The following PTPRJ variants were observed in gnomAD, a reference collection of about 807,000 sequenced individuals.
PTPRJ encodes the protein receptor-type tyrosine-protein phosphatase eta.
In PTPRJ, 129 loss-of-function variants were observed where a neutral mutation model predicts 141.3. The ratio of observed to expected loss-of-function variants is 0.91; its 90% confidence interval spans 0.79 to 1.06. The LOEUF (loss-of-function observed/expected upper bound fraction) is 1.06. Ranked by LOEUF, PTPRJ falls within the 50% of genes least tolerant of loss-of-function variation. The pLI is 0.00. For missense variants in PTPRJ, 1,601 were observed against 1,679.7 expected (o/e 0.95, Z 0.82); for synonymous variants, 610 against 640.5 (o/e 0.95, Z 0.72).
At chr11:48,133,125 G>A (rs976015672) in intron 8 of PTPRJ, among the ~76,000 whole-genome samples, 1 of 152,180 alleles carries the variant, frequency 6.6e-6, no homozygotes, top group Non-Finnish European at 1.5e-5. Context: ...ACTTCATGGA[G>A]CAGGTATTAT....
chr11:48,136,993 T>A lies in PTPRJ; in HGVS notation c.1874-10T>A, dbSNP rs545524975. On this transcript the variant is annotated splice_polypyrimidine_tract_variant and intron_variant, in intron 9 of 24. Coordinates refer to ENST00000418331, the MANE Select transcript of PTPRJ (RefSeq NM_002843.4). ...GCTTTTACATGAATTGCCTTTTTTTTAAAATCAAGGGCCCAGCAATGTGTC... is the reference window on the plus strand; with the variant it reads ...GCTTTTACATGAATTGCCTTTTTTTAAAAATCAAGGGCCCAGCAATGTGTC... The A allele has an allele frequency of 1.9e-5, 30 of 1,578,368 alleles. No homozygotes were observed. Among genetic ancestry groups the A allele is most frequent in the Admixed American group, 1.4e-4 (8 of 58,162 alleles).
intron 11 of PTPRJ, among the ~76,000 whole-genome samples, chr11:48,142,664 G>T (rs962291866): frequency 2.6e-5 from 4 of 152,188 alleles, no homozygotes; most frequent in African/African-American, 9.7e-5. Context: ...AGGCTGCTGG[G>T]TGCCTGCCCT....
chr11:47,981,315 C>A (rs1853900339), intron 1 of PTPRJ, among the ~76,000 whole-genome samples: 1 of 152,164 alleles, frequency 6.6e-6, no homozygotes, highest in African/African-American at 2.4e-5. Context: ...CGGCGCTGGG[C>A]ACATCTGGCG....
chr11:48,130,818 C>A, intron 8 of PTPRJ, 102 bp downstream of exon 8: 1 of 1,271,834 alleles, frequency 7.9e-7, no homozygotes, highest in Non-Finnish European at 1.0e-6. Flanking sequence ...TTTTAATTAT[C>A]TAAGAAAAAA....
At chr11:48,017,777 G>A (rs981934225) in intron 1 of PTPRJ, among the ~76,000 whole-genome samples, 1 of 152,184 alleles carries the variant, frequency 6.6e-6, no homozygotes, top group Non-Finnish European at 1.5e-5. Flanking sequence ...GAGCCTGGTG[G>A]GTGATGGACC....
At chr11:47,985,813 G>A (rs1313778208) in intron 1 of PTPRJ, among the ~76,000 whole-genome samples, 3 of 152,102 alleles carry the variant, frequency 2.0e-5, no homozygotes, top group Non-Finnish European at 4.4e-5. Context: ...CGATTCTCCT[G>A]CCTCAGCCTG....
At chr11:48,070,374 C>T (rs777695866) in intron 1 of PTPRJ, among the ~76,000 whole-genome samples, 1 of 151,842 alleles carries the variant, frequency 6.6e-6, no homozygotes, top group African/African-American at 2.4e-5. Flanking sequence ...TGGTGGTGGG[C>T]GCCTGTAATC....
At chr11:48,101,147 T>C (rs1856139321) in intron 1 of PTPRJ, among the ~76,000 whole-genome samples, 1 of 152,210 alleles carries the variant, frequency 6.6e-6, no homozygotes. Context: ...AAGCCCCTAC[T>C]GTGTGCTGCT....
chr11:48,038,941 G>C (rs1004527525), intron 1 of PTPRJ, among the ~76,000 whole-genome samples: 5 of 151,160 alleles, frequency 3.3e-5, no homozygotes, highest in African/African-American at 9.7e-5. Context: ...TTGAGGTCAG[G>C]AGTTCGAGAC....
chr11:48,001,702 G>A (rs1565251587), intron 1 of PTPRJ, among the ~76,000 whole-genome samples: 1 of 152,122 alleles, frequency 6.6e-6, no homozygotes, highest in Non-Finnish European at 1.5e-5. Context: ...TTTTACAGGA[G>A]AGGAAAATGA....
intron 1 of PTPRJ, among the ~76,000 whole-genome samples, chr11:47,996,533 C>T (rs1266686991): frequency 1.3e-5 from 2 of 152,132 alleles, no homozygotes; most frequent in Non-Finnish European, 2.9e-5. Context: ...GTAGCAACAA[C>T]CAGGCCATTT....
intron 1 of PTPRJ, among the ~76,000 whole-genome samples, chr11:48,102,116 G>T (rs61915877): frequency 0.031 from 4,649 of 152,240 alleles, 107 homozygotes; most frequent in Non-Finnish European, 0.046. Flanking sequence ...GGACATTTGG[G>T]GACATAAATA....
chr11:48,046,310 C>T (rs762337452), intron 1 of PTPRJ: 5 of 152,150 alleles, frequency 3.3e-5, no homozygotes, highest in African/African-American at 9.7e-5. Context: ...CAAATCGCTT[C>T]GCAGAAGTGC....
Position 48,049,515 on chromosome 11 carries a change from TAAAACAAAACAAAAC to T in PTPRJ, c.97-60505_97-60491del, listed in dbSNP as rs71457242. Reference sequence around the variant, plus strand: ...CAATGCGGTGAAACCCCGTCTCTACTAAAACAAAACAAAACAAAACAAAACAAAACAAAACAAAAC... The same window carrying T: ...CAATGCGGTGAAACCCCGTCTCTACTAAAACAAAACAAAACAAAACAAAAC... On this transcript the variant is annotated intron_variant, in intron 1 of 24. Transcript: ENST00000418331. 2.4e-3 allele frequency among the ~76,000 whole-genome samples: 337 copies of T among 140,934 alleles called. 1 individual carries two copies. Among genetic ancestry groups the T allele is most frequent in the Admixed American group, 5.5e-3 (78 of 14,058 alleles). The allele number at this position is 140,934 out of a possible 152,430, so 92.5% of individuals were successfully genotyped here. A position where few individuals can be genotyped will look rare whatever the true frequency, so the allele number is the denominator to read the frequency against.
chr11:48,123,460 A>G (rs2134342032), intron 4 of PTPRJ, among the ~76,000 whole-genome samples, 153 bp from the exon 5 acceptor site: 1 of 152,234 alleles, frequency 6.6e-6, no homozygotes, highest in South Asian at 2.1e-4. Context: ...GAAAGGAAGT[A>G]TTTTTAGTGA....
chr11:47,997,591 T>C (rs1465380474), intron 1 of PTPRJ, among the ~76,000 whole-genome samples: 1 of 152,104 alleles, frequency 6.6e-6, no homozygotes, highest in Non-Finnish European at 1.5e-5. Context: ...CTCTGTAAAA[T>C]GGGAGTAACT....
At chr11:47,994,923 G>C (rs545397161) in intron 1 of PTPRJ, among the ~76,000 whole-genome samples, 1 of 152,212 alleles carries the variant, frequency 6.6e-6, no homozygotes, top group African/African-American at 2.4e-5. Flanking sequence ...CAGACCCTCT[G>C]GGGGTGTGAG....
At chr11:47,981,071 C>T (rs1284072453) in intron 1 of PTPRJ, 63 bp downstream of exon 1, 5 of 1,197,460 alleles carry the variant, frequency 4.2e-6, no homozygotes, top group South Asian at 4.2e-5. Context: ...ATTGACTGCA[C>T]CTGCCCGAGC....
intron 1 of PTPRJ, among the ~76,000 whole-genome samples, chr11:48,046,952 G>A (rs1854422611): frequency 9.4e-6 from 1 of 106,704 alleles, no homozygotes; most frequent in South Asian, 3.0e-4. Context: ...GTCTTGTTCT[G>A]TCACCCAGGC....
Sources: gnomAD v4.1 joint callset for allele counts (sites outside exome capture counted in the v4.1 genomes callset) on GRCh38, gnomAD v4.1.1 for gene constraint, MANE v1.5 for transcripts, NCBI Gene and HGNC (gene_info 2026-07-23, HGNC 2026-07-21) for gene names.